The following PRELID3A variants were observed in gnomAD, a reference collection of about 807,000 sequenced individuals.
PRELID3A encodes PRELI domain containing protein 3A.
In PRELID3A, 27 loss-of-function variants were observed where a neutral mutation model predicts 23.0. The ratio of observed to expected loss-of-function variants is 1.17; its 90% CI spans 0.87 to 1.62. The LOEUF (loss-of-function observed/expected upper bound fraction) is 1.62, where lower values mean the gene tolerates loss of function less well. Among genes scored for constraint, PRELID3A ranks in the 40% most tolerant of loss-of-function variants. The pLI is 0.00. For missense variants in PRELID3A, 231 were observed against 231.4 expected (o/e 1.00, Z 0.01); for synonymous variants, 87 against 86.4 (o/e 1.01, Z -0.04).
intron 1 of PRELID3A, among the ~76,000 whole-genome samples, chr18:12,408,323 G>C (rs566827048): frequency 6.6e-6 from 1 of 151,410 alleles, no homozygotes; most frequent in Admixed American, 6.6e-5. Context: ...GGGCGGCCGG[G>C]GCGGGGGCGG....
intron 1 of PRELID3A, among the ~76,000 whole-genome samples, chr18:12,409,158 G>GCT (rs1909826064): frequency 2.3e-5 from 2 of 88,078 alleles, no homozygotes; most frequent in African/African-American, 8.7e-5. Context: ...ACCCAGGCTG[G>GCT]GTTTTTTTTT....
chr18:12,427,691 T>TA (rs561054894), intron 5 of PRELID3A, among the ~76,000 whole-genome samples: 387 of 146,298 alleles, frequency 2.6e-3, no homozygotes, highest in Non-Finnish European at 3.8e-3. Flanking sequence ...GACTCTGTCT[T>TA]AAAAAAAAAA....
intron 1 of PRELID3A, among the ~76,000 whole-genome samples, chr18:12,414,328 G>A (rs1305112449): frequency 6.6e-6 from 1 of 152,218 alleles, no homozygotes; most frequent in Non-Finnish European, 1.5e-5. Context: ...TGAGGACTGC[G>A]GTGACCACAT....
chr18:12,420,297 C>G, intron 1 of PRELID3A, 28 bp from the exon 2 acceptor site: 1 of 1,573,054 alleles, frequency 6.4e-7, no homozygotes, highest in Non-Finnish European at 8.6e-7. Context: ...CCGGCGCTTG[C>G]TCACCGCCGC....
intron 1 of PRELID3A, among the ~76,000 whole-genome samples, chr18:12,413,211 G>A (rs1909974445): frequency 6.6e-6 from 1 of 152,186 alleles, no homozygotes; most frequent in South Asian, 2.1e-4. Context: ...AGGCCTAGCG[G>A]GGGTAATCGG....
chr18:12,426,563 A>AAAAAAAAAAAGAAAG (rs67993774), intron 3 of PRELID3A, among the ~76,000 whole-genome samples: 5 of 87,720 alleles, frequency 5.7e-5, no homozygotes, highest in African/African-American at 8.6e-5. Flanking sequence ...CAAAAAAAAA[A>AAAAAAAAAAAGAAAG]AAAGTATAAA....
chr18:12,414,664 T>G (rs968921535), intron 1 of PRELID3A, among the ~76,000 whole-genome samples: 3 of 152,130 alleles, frequency 2.0e-5, no homozygotes, highest in African/African-American at 7.2e-5. Flanking sequence ...AGGTGGAGGT[T>G]GCAGTGAGTT....
chr18:12,409,565 T>C (rs1909846126), intron 1 of PRELID3A, among the ~76,000 whole-genome samples: 1 of 152,182 alleles, frequency 6.6e-6, no homozygotes, highest in Non-Finnish European at 1.5e-5. Flanking sequence ...TGGGATCTAA[T>C]TTTTTGTATG....
intron 1 of PRELID3A, among the ~76,000 whole-genome samples, chr18:12,419,490 G>T (rs2030074907): frequency 6.6e-6 from 1 of 151,982 alleles, no homozygotes; most frequent in African/African-American, 2.4e-5. Flanking sequence ...TTAGCCAGGT[G>T]TGGTGGTGGG....
At chr18:12,429,488 C>A in intron 6 of PRELID3A, 52 bp downstream of exon 6, 1 of 1,236,460 alleles carries the variant, frequency 8.1e-7, no homozygotes, top group Non-Finnish European at 1.2e-6. Flanking sequence ...TCTTGTGACC[C>A]GTGTGCATGG....
intron 1 of PRELID3A, among the ~76,000 whole-genome samples, chr18:12,416,116 C>G (rs576582319): frequency 6.6e-6 from 1 of 152,210 alleles, no homozygotes; most frequent in Non-Finnish European, 1.5e-5. Flanking sequence ...TCGGCAGGGG[C>G]GGGGTGTCCA....
intron 1 of PRELID3A, among the ~76,000 whole-genome samples, chr18:12,412,259 T>C (rs1302444819): frequency 6.8e-6 from 1 of 147,270 alleles, no homozygotes; most frequent in Admixed American, 6.8e-5. Flanking sequence ...GGGATCTCAG[T>C]TCACTGCAAC....
rs990097296 is a variant in PRELID3A, at chr18:12,415,486, C to G, written c.33-4839C>G. Among the ~76,000 whole-genome samples the G allele has an allele frequency of 7.2e-5, 11 of 151,850 alleles. No individual in the cohort carries two copies. The East Asian group carries it at 2.1e-3, about 30-fold the overall frequency. ...TGTTGGGCAGGCTGTTCTAGAACTC[C>G]TGTCAAGTGATCCGCCCGCCTCGGC... On this transcript the variant is annotated intron_variant, in intron 1 of 6. Coordinates refer to ENST00000440960, the MANE Select transcript of PRELID3A (RefSeq NM_001142405.2).
Position 12,430,018 on chromosome 18 carries a change from C to T in PRELID3A, c.*33+582C>T, listed in dbSNP as rs550962344. Reference sequence around the variant, plus strand: ...CGGCCAGCGGCCACCAGGGCCTGATCCCCGGGGAGGACGCGCCTCCCACCA... The same window carrying T: ...CGGCCAGCGGCCACCAGGGCCTGATTCCCGGGGAGGACGCGCCTCCCACCA... On this transcript the variant is annotated intron_variant, in intron 6 of 6. Transcript: ENST00000440960. 2.0e-5 allele frequency among the ~76,000 whole-genome samples: 3 copies of T among 152,366 alleles called. No homozygotes were observed. The South Asian group carries it at 6.2e-4, about 32-fold the overall frequency.
At chr18:12,426,922 T>TA in intron 3 of PRELID3A, 119 bp from the exon 4 acceptor site, 1 of 701,494 alleles carries the variant, frequency 1.4e-6, no homozygotes. Context: ...CTCCTATGCC[T>TA]AAAAGTTTCT....
chr18:12,420,179 G>A (rs1253943930), intron 1 of PRELID3A, 146 bp from the exon 2 acceptor site: 2 of 1,432,696 alleles, frequency 1.4e-6, no homozygotes, highest in South Asian at 1.5e-5. Flanking sequence ...GAGGGCTCGC[G>A]GGACTCCTCA....
At chr18:12,426,416 T>C (rs1285251744) in intron 3 of PRELID3A, among the ~76,000 whole-genome samples, 6 of 151,076 alleles carry the variant, frequency 4.0e-5, no homozygotes, top group African/African-American at 1.2e-4. Flanking sequence ...TAGCTGGGCA[T>C]GGTGGCAGGT....
intron 4 of PRELID3A, 30 bp downstream of exon 4, chr18:12,427,141 T>C (rs201524446): frequency 3.7e-6 from 6 of 1,604,676 alleles, no homozygotes; most frequent in Middle Eastern, 3.3e-4. Flanking sequence ...ATTGACACAT[T>C]GAATGCCACG....
chr18:12,422,672 A>G (rs2030225922), intron 3 of PRELID3A, among the ~76,000 whole-genome samples: 1 of 152,048 alleles, frequency 6.6e-6, no homozygotes, highest in Admixed American at 6.6e-5. Context: ...AGGTATTTTT[A>G]AAGCTACTTC....
Sources: allele counts gnomAD v4.1 joint callset (sites outside exome capture counted in the v4.1 genomes callset), GRCh38; gene constraint gnomAD v4.1.1; transcripts MANE v1.5; gene names NCBI Gene and HGNC (gene_info 2026-07-23, HGNC 2026-07-21).